EVX1: variants seen among roughly 807,000 people sequenced by gnomAD.
EVX1 encodes homeobox even-skipped homolog protein 1.
EVX1 carries 19 observed loss-of-function variants against 28.6 expected under a neutral mutation model. The observed-to-expected ratio is 0.67, with a 90% CI of 0.46 to 0.98. EVX1 has a LOEUF of 0.98. Among genes scored for constraint, EVX1 ranks in the 50% least tolerant of loss-of-function variants. The pLI is 0.00. For missense variants in EVX1, 660 were observed against 583.0 expected (o/e 1.13, Z -1.36); for synonymous variants, 324 against 278.2 (o/e 1.16, Z -1.64).
intron 2 of EVX1, 57 bp from the exon 3 acceptor site, chr7:27,245,829 G>A (rs1783156335): frequency 6.4e-7 from 1 of 1,574,634 alleles, no homozygotes; most frequent in African/African-American, 1.3e-5. Flanking sequence ...CCAGACTACT[G>A]GCCTCTGAGC....
In EVX1 at chr7:27,245,037, T is replaced by G. The variant is rs1217090634; in HGVS notation, c.428-11T>G. The stretch of plus-strand genomic sequence containing the variant: ...GTCTGTACACGCCTGTGCTCTGGAC[T>G]CGCTGTGCAGGGTCCGGCTCCGAGG... On this transcript the variant is annotated splice_polypyrimidine_tract_variant and intron_variant, in intron 1 of 2. Transcript: ENST00000496902. 1 of 1,606,568 alleles carries G rather than the reference T, an allele frequency of 6.2e-7. No individual in the cohort carries two copies. The highest frequency in any genetic ancestry group is 8.5e-7 in the Non-Finnish European group (1 of 1,178,926).
chr7:27,244,522 A>G (rs1440256679), intron 1 of EVX1: 55 of 987,882 alleles, frequency 5.6e-5, no homozygotes, highest in Non-Finnish European at 6.6e-5. Flanking sequence ...TACTAAGGTA[A>G]TAAATAAGAT....
At position 27,246,128 on chromosome 7, in the gene EVX1, G is replaced by A. The variant is rs772635769; in HGVS notation, c.927G>A (p.Thr309=). Residue 309 remains threonine, a synonymous_variant, in exon 3 of 3, where the codon ACG becomes ACA. Coordinates refer to ENST00000496902, the MANE Select transcript of EVX1 (RefSeq NM_001989.5). ...PFSGSLRPLD[T]FRVLSQPYPR... ...GCGGCTCGCTGCGCCCGCTCGACAC[G>A]TTCCGCGTGCTGTCGCAGCCCTACC... 1 of 1,535,126 alleles carries A rather than the reference G, an allele frequency of 6.5e-7. No homozygotes were observed. The highest frequency in any genetic ancestry group is 1.4e-5 in the African/African-American group (1 of 70,860).
At position 27,245,964 on chromosome 7, in the gene EVX1, T is replaced by G; in HGVS notation, c.763T>G (p.Phe255Val). The stretch of plus-strand genomic sequence containing the variant: ...GTGGCCGCACCCGGCGGACCCCGCC[T>G]TCTACACTTACATGATGAGCCATGC... ...MTWPHPADPA[F>V]YTYMMSHAAA... is the part of the protein sequence containing the mutation. The change falls in exon 3 of 3, where the codon TTC (phenylalanine) becomes GTC (valine). Residue 255 changes from phenylalanine to valine, a missense_variant. By Grantham distance (50) the Phe-to-Val change is conservative (BLOSUM62 -1). This residue lies in a region of EVX1 where 299 missense variants were observed against 241.3 expected (regional missense o/e 1.24). Coordinates refer to ENST00000496902, the MANE Select transcript of EVX1 (RefSeq NM_001989.5). 10 of 1,586,664 alleles carry G rather than the reference T, an allele frequency of 6.3e-6. No individual in the cohort carries two copies. The highest frequency in any genetic ancestry group is 6.8e-6 in the Non-Finnish European group (8 of 1,170,460).
At position 27,243,201 on chromosome 7, in the gene EVX1, C is replaced by A; in HGVS notation, c.171C>A (p.Thr57=). 1 of 1,559,516 alleles carries A rather than the reference C, an allele frequency of 6.4e-7. No homozygotes were observed. Among genetic ancestry groups the A allele is most frequent in the Non-Finnish European group, 8.7e-7 (1 of 1,152,174 alleles). ...GCCCTCGGGCCGTCCCTCCGGCCACCCGGGAGCGCGGCGGGGGAGGCCCGG... is the reference window on the plus strand; with the variant it reads ...GCCCTCGGGCCGTCCCTCCGGCCACACGGGAGCGCGGCGGGGGAGGCCCGG... The part of the protein sequence containing the change: ...CLSPRAVPPA[T]RERGGGGPEE... Residue 57 remains threonine, a synonymous_variant, in exon 1 of 3, where the codon ACC becomes ACA. Transcript: ENST00000496902.
chr7:27,243,056 T>C lies in EVX1; in HGVS notation c.26T>C (p.Val9Ala), dbSNP rs1271732560. 5 of 1,607,238 alleles carry C rather than the reference T, an allele frequency of 3.1e-6. No homozygotes were observed. The South Asian group carries it at 3.3e-5, about 11-fold the overall frequency. The change falls in exon 1 of 3, where the codon GTG becomes GCG. Residue 9 changes from valine to alanine, a missense_variant. Around this residue, in one of 3 missense-constraint regions of EVX1, gnomAD observed 308 missense variants for 256.6 expected, o/e 1.20. Transcript: ENST00000496902. ...ATGGAGAGCCGAAAGGACATGGTTG[T>C]GTTTCTGGATGGGGGTCAGCTTGGC... MESRKDMV[V>A]FLDGGQLGTL...
chr7:27,246,051 C>T lies in EVX1; in HGVS notation c.850C>T (p.Pro284Ser), dbSNP rs554495062. 2.5e-5 allele frequency: 40 copies of T among 1,589,038 alleles called. No individual in the cohort carries two copies. The highest frequency in any genetic ancestry group is 1.7e-5 in the Admixed American group (1 of 59,294). Residue 284 changes from proline to serine, a missense_variant, in exon 3 of 3, where the codon CCG becomes TCG. By Grantham distance (74) the Pro-to-Ser change is moderately conservative. Coordinates refer to ENST00000496902, the MANE Select transcript of EVX1 (RefSeq NM_001989.5). ...GCACCTGCCCCTGCCCTACTACTCG[C>T]CGGTGGGCCTGGGCGCCGCATCCGC... Reference protein sequence around the residue: ...PSHLPLPYYSPVGLGAASAAS... With the variant: ...PSHLPLPYYSSVGLGAASAAS...
chr7:27,244,353 G>A (rs2115494852), intron 1 of EVX1: 1 of 246,444 alleles, frequency 4.1e-6, no homozygotes, highest in Non-Finnish European at 6.5e-6. Context: ...TGTAGGAGTG[G>A]GTGGAAAGAG....
intron 1 of EVX1, chr7:27,244,342 C>A: frequency 4.9e-6 from 1 of 205,664 alleles, no homozygotes; most frequent in Non-Finnish European, 8.3e-6. Flanking sequence ...CTCCACAGAA[C>A]TGTAGGAGTG....
chr7:27,243,268 C>A lies in EVX1; in HGVS notation c.238C>A (p.Pro80Thr). Residue 80 changes from proline to threonine, a missense_variant, in exon 1 of 3, where the codon CCG (proline) becomes ACG (threonine). Pro to Thr is a conservative substitution (Grantham distance 38). This residue lies in a region of EVX1 where 308 missense variants were observed against 256.6 expected (regional missense o/e 1.20). Coordinates refer to ENST00000496902, the MANE Select transcript of EVX1 (RefSeq NM_001989.5). ...TGGACTCGCAGGCAGCGCGGCGGGG[C>A]CGGGCGCCGAGCCCCAGGTAGCTGG... The part of the protein sequence containing the change: ...VDGLAGSAAG[P>T]GAEPQVAGAA... 1 of 1,542,854 alleles carries A rather than the reference C, an allele frequency of 6.5e-7. No homozygotes were observed. The highest frequency in any genetic ancestry group is 1.9e-4 in the Middle Eastern group (1 of 5,404).
chr7:27,245,511 G>A (rs1365848890), intron 2 of EVX1, among the ~76,000 whole-genome samples: 1 of 152,248 alleles, frequency 6.6e-6, no homozygotes, highest in East Asian at 1.9e-4. Context: ...ATAGACAAGG[G>A]GTGGGCGTGG....
rs183219836 is a variant in EVX1 at position 27,243,247 on chromosome 7, C to G, written c.217C>G (p.Leu73Val). Reference sequence around the variant, plus strand: ...CCCGGAGGAGGAGCCGGTAGATGGACTCGCAGGCAGCGCGGCGGGGCCGGG... The same window carrying G: ...CCCGGAGGAGGAGCCGGTAGATGGAGTCGCAGGCAGCGCGGCGGGGCCGGG... Reference protein sequence around the residue: ...GGPEEEPVDGLAGSAAGPGAE... With the variant: ...GGPEEEPVDGVAGSAAGPGAE... The change falls in exon 1 of 3, where the codon CTC (leucine) becomes GTC (valine). Residue 73 changes from leucine (L) to valine (V), a missense_variant. Leu to Val is a conservative substitution (Grantham distance 32). This residue lies in a region of EVX1 where 308 missense variants were observed against 256.6 expected (regional missense o/e 1.20). Coordinates refer to ENST00000496902, the MANE Select transcript of EVX1 (RefSeq NM_001989.5). 3.2e-6 allele frequency: 5 copies of G among 1,547,404 alleles called. No homozygotes were observed. The highest frequency in any genetic ancestry group is 4.4e-6 in the Non-Finnish European group (5 of 1,146,280).
Position 27,243,586 on chromosome 7 carries a change from C to G in EVX1, c.427+129C>G, listed in dbSNP as rs1340173370. 6 of 985,436 alleles carry G rather than the reference C, an allele frequency of 6.1e-6. No individual in the cohort carries two copies. In the African/African-American group the frequency reaches 6.8e-5, roughly 11 times the overall value. 61.0% of individuals were successfully genotyped at this position (985,436 alleles called of 1,614,324 possible). A position where few individuals can be genotyped will look rare whatever the true frequency, so the allele number is the denominator to read the frequency against. On this transcript the variant is annotated intron_variant, in intron 1 of 2. Transcript: ENST00000496902. ...TGGGGGGACCCACCTGAGCAACTCT[C>G]TCTGCTATCTGCGTTCTGGCGGGGG... is the stretch of plus-strand genomic sequence containing the variant.
rs779516582 is a variant in EVX1, at chr7:27,243,317, C to T, written c.287C>T (p.Pro96Leu). 7.0e-6 allele frequency: 11 copies of T among 1,580,944 alleles called. No individual in the cohort carries two copies. The highest frequency in any genetic ancestry group is 2.4e-5 in the East Asian group (1 of 42,294). Residue 96 changes from proline (P) to leucine (L), a missense_variant, in exon 1 of 3, where the codon CCC becomes CTC. Physicochemically the swap from Pro to Leu is moderately conservative, Grantham distance 98. This residue lies in a region of EVX1 where 308 missense variants were observed against 256.6 expected (regional missense o/e 1.20). Transcript: ENST00000496902. The stretch of plus-strand genomic sequence containing the variant: ...GGGGCGGCCATGCTCGGCCCAGGAC[C>T]CCCGGCCCCCTCAGTCGACAGCCTC... ...VAGAAMLGPG[P>L]PAPSVDSLSG...
In EVX1 at chr7:27,246,615, C is replaced by A. The variant is rs972909643; in HGVS notation, c.*190C>A. 1.1e-5 allele frequency: 7 copies of A among 638,128 alleles called. No individual in the cohort carries two copies. The highest frequency in any genetic ancestry group is 7.8e-5 in the African/African-American group (4 of 51,504). The allele number at this position is 638,128 out of a possible 1,614,324, so 39.5% of individuals were successfully genotyped here. On this transcript the variant is annotated 3_prime_UTR_variant, in exon 3 of 3. Coordinates refer to ENST00000496902, the MANE Select transcript of EVX1 (RefSeq NM_001989.5). Reference sequence around the variant, plus strand: ...AAGCCTAGGAAGTGGCGGTGGCTGGCGCGTTTGGGGAGCAGGAGTGGGGAT... The same window carrying A: ...AAGCCTAGGAAGTGGCGGTGGCTGGAGCGTTTGGGGAGCAGGAGTGGGGAT...
rs775041970 is a variant in EVX1, at chr7:27,245,195, G to A, written c.575G>A (p.Arg192Gln). The part of the protein sequence containing the change: ...QMRRYRTAFT[R>Q]EQIARLEKEF... Reference sequence around the variant, plus strand: ...CGTCGTTACCGCACCGCCTTCACCCGAGAGCAGATTGCGCGGCTGGAGAAG... The same window carrying A: ...CGTCGTTACCGCACCGCCTTCACCCAAGAGCAGATTGCGCGGCTGGAGAAG... Residue 192 changes from arginine to glutamine, a missense_variant, in exon 2 of 3, where the codon CGA (arginine) becomes CAA (glutamine). Coordinates refer to ENST00000496902, the MANE Select transcript of EVX1 (RefSeq NM_001989.5). 6.8e-6 allele frequency: 11 copies of A among 1,613,560 alleles called. No individual in the cohort carries two copies. The Admixed American group carries it at 1.5e-4, about 22-fold the overall frequency.
chr7:27,246,460 C>A lies in EVX1; in HGVS notation c.*35C>A, dbSNP rs752367721. On this transcript the variant is annotated 3_prime_UTR_variant, in exon 3 of 3. Coordinates refer to ENST00000496902, the MANE Select transcript of EVX1 (RefSeq NM_001989.5). ...GGCTGGCTGCCGGCTCCATGACGCC[C>A]GTGGGGTCACCCCCCGGCCCCGGGA... is the stretch of plus-strand genomic sequence containing the variant. 1 of 1,564,930 alleles carries A rather than the reference C, an allele frequency of 6.4e-7. No individual in the cohort carries two copies. The highest frequency in any genetic ancestry group is 1.8e-5 in the Admixed American group (1 of 56,106).
chr7:27,243,010 C>T lies in EVX1; in HGVS notation c.-21C>T, dbSNP rs1223362048. The stretch of plus-strand genomic sequence containing the variant: ...AGGAACTCACTTGGGGCTTTCCCCT[C>T]CCCCACCGGAGAGCCCCGGGATGGA... On this transcript the variant is annotated 5_prime_UTR_variant, in exon 1 of 3. Coordinates refer to ENST00000496902, the MANE Select transcript of EVX1 (RefSeq NM_001989.5). 4 of 1,535,224 alleles carry T rather than the reference C, an allele frequency of 2.6e-6. No individual in the cohort carries two copies. The highest frequency in any genetic ancestry group is 1.4e-5 in the African/African-American group (1 of 70,676).
intron 1 of EVX1, chr7:27,243,749 G>A (rs1411163044): frequency 8.5e-6 from 3 of 354,092 alleles, no homozygotes; most frequent in Non-Finnish European, 1.5e-5. Context: ...TCAACTGCTC[G>A]GGGAATGCTT....
Sources: allele counts gnomAD v4.1 joint callset (sites outside exome capture counted in the v4.1 genomes callset), GRCh38; gene constraint gnomAD v4.1.1; regional missense constraint gnomAD v4.1.1; transcripts MANE v1.5; gene names NCBI Gene and HGNC (gene_info 2026-07-23, HGNC 2026-07-21).